The following ITCH variants were observed in gnomAD, a reference collection of about 807,000 sequenced individuals.
The protein encoded by ITCH is itchy E3 ubiquitin protein ligase.
In ITCH, 28 loss-of-function variants were observed where a neutral mutation model predicts 126.8. The ratio of observed to expected loss-of-function variants is 0.22; its 90% CI spans 0.16 to 0.30. The LOEUF (loss-of-function observed/expected upper bound fraction) is 0.30. ITCH is among the 10% of genes least tolerant of loss of function. The pLI is 1.00. For synonymous variants in ITCH, 342 were observed against 340.0 expected (o/e 1.01, Z -0.06); for missense variants, 631 against 1,032.4 (o/e 0.61, Z 5.33).
chr20:34,408,532 T>C (rs1406140134), intron 3 of ITCH, 119 bp from the exon 4 acceptor site: 8 of 916,702 alleles, frequency 8.7e-6, no homozygotes, highest in Non-Finnish European at 1.4e-5. Context: ...GTAAGTATTT[T>C]AGAGCAAAAC....
At chr20:34,500,372 T>A (rs1191731080) in intron 23 of ITCH, among the ~76,000 whole-genome samples, 1 of 152,216 alleles carries the variant, frequency 6.6e-6, no homozygotes, top group African/African-American at 2.4e-5. Context: ...GGTGCATATA[T>A]AACTCTCATA....
chr20:34,407,785 C>A (rs1274849619), intron 3 of ITCH, among the ~76,000 whole-genome samples: 1 of 152,176 alleles, frequency 6.6e-6, no homozygotes. Context: ...TTCCTTACTA[C>A]CAAGTCATTT....
chr20:34,404,792 G>C (rs1166404998), intron 3 of ITCH, among the ~76,000 whole-genome samples: 1 of 152,014 alleles, frequency 6.6e-6, no homozygotes, highest in Non-Finnish European at 1.5e-5. Flanking sequence ...TGACATTTAC[G>C]TGCAGGCACA....
At chr20:34,478,212 A>C (rs1600451686) in intron 17 of ITCH, among the ~76,000 whole-genome samples, 1 of 152,204 alleles carries the variant, frequency 6.6e-6, no homozygotes, top group African/African-American at 2.4e-5. Context: ...AGCCAGTGTT[A>C]AGTCTACCAC....
At chr20:34,446,702 A>C (rs1233353668) in intron 11 of ITCH, among the ~76,000 whole-genome samples, 1 of 151,920 alleles carries the variant, frequency 6.6e-6, no homozygotes, top group Non-Finnish European at 1.5e-5. Context: ...ATGCCTGGCC[A>C]AATTTCTTCT....
chr20:34,486,991 G>A (rs1989168657), intron 20 of ITCH, among the ~76,000 whole-genome samples: 1 of 128,484 alleles, frequency 7.8e-6, no homozygotes, highest in African/African-American at 2.9e-5. Flanking sequence ...CACTCTCATT[G>A]TATTTAAAAG....
At chr20:34,446,352 CT>C (rs1984466056) in intron 11 of ITCH, among the ~76,000 whole-genome samples, 1 of 152,124 alleles carries the variant, frequency 6.6e-6, no homozygotes, top group Non-Finnish European at 1.5e-5. Context: ...AAAACAGCAC[CT>C]TTCGTATTCC....
chr20:34,425,059 A>G (rs1012722133), intron 7 of ITCH, among the ~76,000 whole-genome samples: 1 of 152,254 alleles, frequency 6.6e-6, no homozygotes, highest in African/African-American at 2.4e-5. Context: ...GGAAGACGTA[A>G]GAAACTCCAT....
chr20:34,454,064 C>G (rs898950289), intron 12 of ITCH, among the ~76,000 whole-genome samples: 1 of 151,676 alleles, frequency 6.6e-6, no homozygotes, highest in African/African-American at 2.4e-5. Context: ...AAATTTAATG[C>G]GACTGCCAAG....
Position 34,509,967 on chromosome 20 carries a change from G to A in ITCH, c.*2173G>A, listed in dbSNP as rs577396986. 2 of 152,614 alleles carry A rather than the reference G, an allele frequency of 1.3e-5. No individual in the cohort carries two copies. The highest frequency in any genetic ancestry group is 4.8e-5 in the African/African-American group (2 of 41,536). The allele number at this position is 152,614 out of a possible 1,614,324, so 9.5% of individuals were successfully genotyped here. On this transcript the variant is annotated 3_prime_UTR_variant, in exon 25 of 25. Transcript: ENST00000374864. ...ATTCATTTAGGGACCTAGAAATATT[G>A]TGTGAAAATATATAAATATCACCCA... is the stretch of plus-strand genomic sequence containing the variant.
chr20:34,491,735 T>C (rs1469974011), intron 22 of ITCH, among the ~76,000 whole-genome samples: 4 of 152,224 alleles, frequency 2.6e-5, no homozygotes, highest in African/African-American at 7.2e-5. Flanking sequence ...AAAACAGTTA[T>C]ACTACAGGCT....
chr20:34,462,600 T>G (rs1303977343), intron 14 of ITCH, among the ~76,000 whole-genome samples: 1 of 152,246 alleles, frequency 6.6e-6, no homozygotes, highest in East Asian at 1.9e-4. Flanking sequence ...TTTGCTTATG[T>G]GCTTTATGAC....
At chr20:34,476,481 C>T (rs900519608) in intron 16 of ITCH, 4 of 1,211,168 alleles carry the variant, frequency 3.3e-6, no homozygotes, top group Admixed American at 4.4e-5. Context: ...CCATCGCCCG[C>T]GGTCGGGAAC....
At chr20:34,479,549 C>G (rs1600455205) in intron 17 of ITCH, 81 bp from the exon 18 acceptor site, 1 of 1,151,334 alleles carries the variant, frequency 8.7e-7, no homozygotes, top group Non-Finnish European at 1.3e-6. Flanking sequence ...GGGTATAGAT[C>G]CCTGAGAACT....
At chr20:34,364,839 C>T (rs1315405456) in intron 1 of ITCH, among the ~76,000 whole-genome samples, 3 of 139,104 alleles carry the variant, frequency 2.2e-5, no homozygotes, top group Non-Finnish European at 4.5e-5. Context: ...TGCAGTGAGC[C>T]GAGATCTCGC....
rs910235159 is a variant in ITCH, at chr20:34,417,775, G to A, written c.475+3896G>A. Among the ~76,000 whole-genome samples, 3 of 147,842 alleles carry A rather than the reference G, an allele frequency of 2.0e-5. No individual in the cohort carries two copies. The Admixed American group carries it at 2.1e-4, about 10-fold the overall frequency. ...CCACAGATCTGAAGTAACAAATCAG[G>A]TGTGGGCAGTTCATATCTGCCAGAG... On this transcript the variant is annotated intron_variant, in intron 6 of 24. Transcript: ENST00000374864.
chr20:34,465,139 A>G (rs1460465869), intron 14 of ITCH, among the ~76,000 whole-genome samples: 1 of 152,188 alleles, frequency 6.6e-6, no homozygotes, highest in Admixed American at 6.5e-5. Context: ...CCCAAGCACC[A>G]TTTGTTGAAA....
chr20:34,479,928 T>A, intron 18 of ITCH, 139 bp downstream of exon 18: 3 of 774,650 alleles, frequency 3.9e-6, no homozygotes, highest in Non-Finnish European at 6.5e-6. Context: ...AGACAGAGTC[T>A]TGCTCTGTCA....
At chr20:34,473,243 T>C (rs1416370484) in intron 16 of ITCH, among the ~76,000 whole-genome samples, 1 of 152,216 alleles carries the variant, frequency 6.6e-6, no homozygotes. Flanking sequence ...GCACAACTGG[T>C]TATGGGGGAA....
Sources: allele counts gnomAD v4.1 joint callset (sites outside exome capture counted in the v4.1 genomes callset), GRCh38; gene constraint gnomAD v4.1.1; transcripts MANE v1.5; gene names NCBI Gene and HGNC (gene_info 2026-07-23, HGNC 2026-07-21).